AFF3: variants seen among roughly 807,000 people sequenced by gnomAD.
AFF3 encodes AF4/FMR2 family member 3.
In AFF3, 32 loss-of-function variants were observed where a neutral mutation model predicts 129.7. The observed-to-expected ratio is 0.25, with a 90% CI of 0.19 to 0.33. AFF3 has a LOEUF of 0.33. Among genes scored for constraint, AFF3 ranks in the 10% least tolerant of loss-of-function variants. The pLI, the probability that AFF3 is intolerant of heterozygous loss-of-function variation, is 1.00. For missense variants in AFF3, 1,373 were observed against 1,592.0 expected (o/e 0.86, Z 2.34); for synonymous variants, 644 against 635.4 (o/e 1.01, Z -0.20).
rs151060651 is a variant in AFF3, at chr2:99,830,272, A to G, written c.921+7205T>C. On this transcript the variant is annotated intron_variant, in intron 8 of 24. Coordinates refer to ENST00000672756, the MANE Select transcript of AFF3 (RefSeq NM_001386135.1). The stretch of plus-strand genomic sequence containing the variant: ...CCTGCACATTCTGCACATGTATCCC[A>G]GAGCTTAAAGTAAAAAAAAAATAAA... Among the ~76,000 whole-genome samples, 1,319 of 152,262 alleles carry G rather than the reference A, an allele frequency of 8.7e-3. 15 individuals carry two copies. The highest frequency in any genetic ancestry group is 0.017 in the Middle Eastern group (5 of 294).
chr2:99,837,221 C>G (rs1049431207), intron 8 of AFF3, among the ~76,000 whole-genome samples: 2 of 152,166 alleles, frequency 1.3e-5, no homozygotes, highest in Non-Finnish European at 2.9e-5. Context: ...TATTTTTCAT[C>G]TAAATTCTGT....
At chr2:100,098,431 T>G (rs569143105) in intron 4 of AFF3, among the ~76,000 whole-genome samples, 1 of 151,556 alleles carries the variant, frequency 6.6e-6, no homozygotes, top group Non-Finnish European at 1.5e-5. Context: ...AAAATTCCAC[T>G]TACACACAAA....
intron 4 of AFF3, among the ~76,000 whole-genome samples, chr2:100,061,096 C>G (rs1687233813): frequency 6.6e-6 from 1 of 152,176 alleles, no homozygotes; most frequent in Admixed American, 6.5e-5. Flanking sequence ...CACATCCTGT[C>G]AAGGTGTGAC....
chr2:99,753,111 T>C (rs576346401), intron 8 of AFF3, among the ~76,000 whole-genome samples: 3 of 152,276 alleles, frequency 2.0e-5, no homozygotes, highest in Admixed American at 1.3e-4. Context: ...TTATTATTAT[T>C]ATTTTTTGAG....
At chr2:99,786,355 T>G (rs1053756857) in intron 8 of AFF3, among the ~76,000 whole-genome samples, 2 of 152,166 alleles carry the variant, frequency 1.3e-5, no homozygotes, top group Non-Finnish European at 2.9e-5. Flanking sequence ...CCGCACACAC[T>G]AGCTCAGTGT....
intron 7 of AFF3, among the ~76,000 whole-genome samples, chr2:99,987,109 C>A (rs922109912): frequency 6.6e-5 from 10 of 152,190 alleles, no homozygotes; most frequent in Non-Finnish European, 2.9e-5. Context: ...GGGTCAAAGG[C>A]ATAAAGAGAC....
At chr2:100,086,609 T>C (rs532678892) in intron 4 of AFF3, among the ~76,000 whole-genome samples, 299 of 152,294 alleles carry the variant, frequency 2.0e-3, no homozygotes, top group African/African-American at 6.9e-3. Context: ...TTTGCTGGAA[T>C]GACAGTGGGG....
intron 8 of AFF3, among the ~76,000 whole-genome samples, chr2:99,792,532 T>C (rs897556096): frequency 3.3e-5 from 5 of 152,062 alleles, no homozygotes; most frequent in Non-Finnish European, 7.4e-5. Flanking sequence ...CAAAATGAAA[T>C]TGGCAAGAGT....
At chr2:100,092,278 CT>C (rs1689922280) in intron 4 of AFF3, among the ~76,000 whole-genome samples, 1 of 151,844 alleles carries the variant, frequency 6.6e-6, no homozygotes, top group Non-Finnish European at 1.5e-5. Context: ...CCCTCATCCC[CT>C]TCTACCCAGA....
chr2:99,955,035 T>C (rs1029739657), intron 7 of AFF3, among the ~76,000 whole-genome samples: 1 of 151,812 alleles, frequency 6.6e-6, no homozygotes, highest in Non-Finnish European at 1.5e-5. Context: ...ATAGAGAGGA[T>C]AGATTTCATA....
Position 100,106,789 on chromosome 2 carries a change from C to T in AFF3, c.-144-1206G>A, listed in dbSNP as rs996508385. 5.1e-6 allele frequency: 5 copies of T among 985,466 alleles called. No individual in the cohort carries two copies. In the East Asian group the frequency reaches 4.5e-4, roughly 90 times the overall value. The allele number at this position is 985,466 out of a possible 1,614,324, so 61.0% of individuals were successfully genotyped here. A position where few individuals can be genotyped will look rare whatever the true frequency, so the allele number is the denominator to read the frequency against. ...AGGACAAACATAACCGTGTTTACTG[C>T]GAGTCCCATGCTGGGCCTGGAGCTC... On this transcript the variant is annotated intron_variant, in intron 2 of 24. Transcript: ENST00000672756.
chr2:99,859,944 A>G (rs1442917858), intron 7 of AFF3, among the ~76,000 whole-genome samples: 3 of 152,294 alleles, frequency 2.0e-5, no homozygotes, highest in African/African-American at 4.8e-5. Context: ...GCAAAAAAGG[A>G]TAACCTAAAT....
intron 8 of AFF3, among the ~76,000 whole-genome samples, chr2:99,807,959 C>T (rs1210070058): frequency 6.6e-6 from 1 of 152,190 alleles, no homozygotes; most frequent in East Asian, 1.9e-4. Flanking sequence ...TAATAAGTGC[C>T]TGTCAATCTC....
intron 4 of AFF3, among the ~76,000 whole-genome samples, chr2:100,054,108 G>A (rs1686574233): frequency 6.6e-6 from 1 of 152,174 alleles, no homozygotes; most frequent in South Asian, 2.1e-4. Flanking sequence ...TACACCTGCT[G>A]AACAGTGTGG....
At chr2:99,672,188 A>T (rs1687215108) in intron 12 of AFF3, among the ~76,000 whole-genome samples, 2 of 25,812 alleles carry the variant, frequency 7.7e-5, no homozygotes, top group African/African-American at 1.2e-3. Flanking sequence ...TCACACACAC[A>T]CACACACACA....
rs902958688 is a variant in AFF3 at position 99,909,237 on chromosome 2, C to T, written c.874-71713G>A. Among the ~76,000 whole-genome samples, 4 of 147,178 alleles carry T rather than the reference C, an allele frequency of 2.7e-5. No homozygotes were observed. In the Admixed American group the frequency reaches 2.8e-4, roughly 10 times the overall value. ...CATTCTCAGCAAACTATCGCAAGGA[C>T]AAAAAAACCAAACACCGCATGTTCT... On this transcript the variant is annotated intron_variant, in intron 7 of 24. Transcript: ENST00000672756.
chr2:99,960,047 A>G (rs1329314637), intron 7 of AFF3, among the ~76,000 whole-genome samples: 1 of 152,094 alleles, frequency 6.6e-6, no homozygotes, highest in Non-Finnish European at 1.5e-5. Flanking sequence ...TGATCAATAA[A>G]TATTTTGTTG....
intron 2 of AFF3, among the ~76,000 whole-genome samples, chr2:100,116,503 C>T (rs914578277): frequency 6.6e-6 from 1 of 152,072 alleles, no homozygotes; most frequent in Non-Finnish European, 1.5e-5. Context: ...TTGGAACATA[C>T]ATGGCTTTGT....
chr2:99,772,297 G>C (rs974921560), intron 8 of AFF3, among the ~76,000 whole-genome samples: 1 of 152,156 alleles, frequency 6.6e-6, no homozygotes, highest in African/African-American at 2.4e-5. Context: ...TGGGGCCTCT[G>C]GCTTCCCATG....
Sources: gnomAD v4.1 joint callset for allele counts (sites outside exome capture counted in the v4.1 genomes callset) on GRCh38, gnomAD v4.1.1 for gene constraint, MANE v1.5 for transcripts, NCBI Gene and HGNC (gene_info 2026-07-23, HGNC 2026-07-21) for gene names.